The following LYRM4 variants were observed in gnomAD, a reference collection of about 807,000 sequenced individuals.
The protein encoded by LYRM4 is LYR motif containing 4, also known as LYR motif-containing protein 4.
LYRM4 carries 9 observed loss-of-function variants against 11.7 expected under a neutral mutation model. The ratio of observed to expected loss-of-function variants is 0.77; its 90% CI spans 0.46 to 1.34. The LOEUF (loss-of-function observed/expected upper bound fraction) is 1.34, where lower values mean the gene tolerates loss of function less well. Among genes scored for constraint, LYRM4 ranks in the 40% most tolerant of loss-of-function variants. The probability of loss-of-function intolerance (pLI) is 0.00; values close to 1 mark genes in which losing one functional copy is unlikely to be tolerated. For synonymous variants in LYRM4, 42 were observed against 40.4 expected (o/e 1.04, Z -0.15); for missense variants, 133 against 112.5 (o/e 1.18, Z -0.82).
At chr6:5,131,918 T>C (rs1763972722) in intron 2 of LYRM4, among the ~76,000 whole-genome samples, 1 of 152,172 alleles carries the variant, frequency 6.6e-6, no homozygotes, top group Admixed American at 6.5e-5. Flanking sequence ...TTATATGCCT[T>C]GGCTTCATTA....
At chr6:5,191,420 G>A (rs555120014) in intron 2 of LYRM4, among the ~76,000 whole-genome samples, 25 of 152,246 alleles carry the variant, frequency 1.6e-4, no homozygotes, top group African/African-American at 4.8e-4. Flanking sequence ...TAAGAGCTAC[G>A]CGCCATTCTG....
At position 5,217,795 on chromosome 6, in the gene LYRM4, A is replaced by G. The variant is rs538835538; in HGVS notation, c.87-1057T>C. 5.3e-5 allele frequency among the ~76,000 whole-genome samples: 8 copies of G among 152,356 alleles called. No homozygotes were observed. In the South Asian group the frequency reaches 1.4e-3, roughly 28 times the overall value. ...AGACAGCTCAGCAGTCCTTAGACACAGCCTCATACTCAGATGGCTATGGCC... is the reference window on the plus strand; with the variant it reads ...AGACAGCTCAGCAGTCCTTAGACACGGCCTCATACTCAGATGGCTATGGCC... On this transcript the variant is annotated intron_variant, in intron 1 of 2. Coordinates refer to ENST00000330636, the MANE Select transcript of LYRM4 (RefSeq NM_020408.6).
At chr6:5,040,957 C>T in the LYRM4 span, among the ~76,000 whole-genome samples, 8,374 of 152,004 alleles carry the variant, frequency 0.055, 766 homozygotes, top group African/African-American at 0.19. Context: ...GCCCCATATG[C>T]GAGACCAAAA....
the LYRM4 span, among the ~76,000 whole-genome samples, chr6:5,081,906 G>A: frequency 6.6e-6 from 1 of 152,106 alleles, no homozygotes; most frequent in Non-Finnish European, 1.5e-5. Context: ...CCAGAAAGGG[G>A]CAGGGGCTGC....
intron 1 of LYRM4, among the ~76,000 whole-genome samples, chr6:5,252,257 G>C (rs1764467364): frequency 6.6e-6 from 1 of 152,172 alleles, no homozygotes. Flanking sequence ...GAAAAGAATG[G>C]GGTTGTGGAA....
At chr6:5,074,219 A>G in the LYRM4 span, among the ~76,000 whole-genome samples, 2 of 152,166 alleles carry the variant, frequency 1.3e-5, no homozygotes, top group South Asian at 2.1e-4. Context: ...ATGTAAATAC[A>G]TAGAAAAGAG....
At chr6:5,125,441 C>G (rs771327983) in intron 2 of LYRM4, among the ~76,000 whole-genome samples, 1 of 152,228 alleles carries the variant, frequency 6.6e-6, no homozygotes, top group Non-Finnish European at 1.5e-5. Context: ...GTCAGTTCCT[C>G]GAGCACAGTG....
chr6:5,044,512 C>T, the LYRM4 span, among the ~76,000 whole-genome samples: 1 of 152,224 alleles, frequency 6.6e-6, no homozygotes, highest in Non-Finnish European at 1.5e-5. Context: ...GAGGGCAGGG[C>T]TCACCTGCTT....
chr6:5,214,035 G>C (rs71555884), intron 2 of LYRM4, among the ~76,000 whole-genome samples: 1,581 of 152,314 alleles, frequency 0.01, 33 homozygotes, highest in African/African-American at 0.035. Context: ...AACACAGGCC[G>C]GCTGGCCGCA....
At chr6:5,084,723 G>A in the LYRM4 span, 1 of 152,336 alleles carries the variant, frequency 6.6e-6, no homozygotes, top group Non-Finnish European at 1.5e-5. Flanking sequence ...GCTTTCGGAA[G>A]AGCAGAGCGG....
the LYRM4 span, among the ~76,000 whole-genome samples, chr6:5,049,794 C>T: frequency 6.6e-6 from 1 of 152,100 alleles, no homozygotes. Flanking sequence ...CTCAGCCTCC[C>T]CAGTAGTTGG....
rs13217077 is a variant in LYRM4, at chr6:5,216,835, T to C, written c.87-97A>G. The C allele has an allele frequency of 0.013, 17,893 of 1,405,046 alleles. 1,189 individuals are homozygous for C. The African/African-American group carries it at 0.17, about 13-fold the overall frequency. The allele number at this position is 1,405,046 out of a possible 1,614,324, so 87.0% of individuals were successfully genotyped here. The stretch of plus-strand genomic sequence containing the variant: ...AAGTTTTTCCTTTAGAATTAACTGT[T>C]TAATCTTCCCCTACGGATAATCCAC... On this transcript the variant is annotated intron_variant, in intron 1 of 2. Coordinates refer to ENST00000330636, the MANE Select transcript of LYRM4 (RefSeq NM_020408.6).
At chr6:5,057,971 C>T in the LYRM4 span, among the ~76,000 whole-genome samples, 3 of 152,010 alleles carry the variant, frequency 2.0e-5, no homozygotes, top group African/African-American at 4.8e-5. Context: ...AGGCTGGTCT[C>T]GAAATTCCAG....
At chr6:5,213,901 G>A (rs1479184562) in intron 2 of LYRM4, among the ~76,000 whole-genome samples, 1 of 152,224 alleles carries the variant, frequency 6.6e-6, no homozygotes, top group Non-Finnish European at 1.5e-5. Flanking sequence ...GCATATGTTA[G>A]TGTACTTGAT....
At position 5,239,214 on chromosome 6, in the gene LYRM4, C is replaced by T. The variant is rs1246788249; in HGVS notation, c.86+21434G>A. ...CAAGGGAAATAAGTGAGAGAACCTG[C>T]TGGGCATAAGGACCTACTGACTACG... On this transcript the variant is annotated intron_variant, in intron 1 of 2. Transcript: ENST00000330636. Among the ~76,000 whole-genome samples the T allele has an allele frequency of 2.6e-5, 4 of 152,122 alleles. No homozygotes were observed. The East Asian group carries it at 5.8e-4, about 22-fold the overall frequency.
the LYRM4 span, among the ~76,000 whole-genome samples, chr6:5,078,985 G>A: frequency 6.6e-6 from 1 of 152,262 alleles, no homozygotes; most frequent in East Asian, 1.9e-4. Flanking sequence ...GTGTAGGAGA[G>A]GAAAGGCTTT....
chr6:5,181,957 A>C (rs1479880832), intron 2 of LYRM4, among the ~76,000 whole-genome samples: 2 of 152,134 alleles, frequency 1.3e-5, no homozygotes, highest in African/African-American at 2.4e-5. Flanking sequence ...CTTCCTTCAC[A>C]TGGATCCCCT....
At chr6:5,102,624 A>G (rs938836508), downstream of LYRM4, 1 of 152,246 alleles carries the variant, frequency 6.6e-6, no homozygotes, top group South Asian at 2.1e-4. Flanking sequence ...CTTTATTAGG[A>G]AGAGAAAGCG....
chr6:5,084,430 G>A, the LYRM4 span, among the ~76,000 whole-genome samples: 1 of 152,112 alleles, frequency 6.6e-6, no homozygotes, highest in African/African-American at 2.4e-5. Flanking sequence ...GCTGGCGTCC[G>A]GTTGCGGTGG....
Sources: allele counts gnomAD v4.1 joint callset (sites outside exome capture counted in the v4.1 genomes callset), GRCh38; gene constraint gnomAD v4.1.1; transcripts MANE v1.5; gene names NCBI Gene and HGNC (gene_info 2026-07-23, HGNC 2026-07-21).